The following NFIX variants were observed in gnomAD, a reference collection of about 807,000 sequenced individuals.
NFIX encodes the protein nuclear factor I X, also known as nuclear factor 1 X-type.
In NFIX, 2 loss-of-function variants were observed where a neutral mutation model predicts 53.3. The observed-to-expected ratio is 0.04, with a 90% CI of 0.02 to 0.12. The LOEUF (loss-of-function observed/expected upper bound fraction) is 0.12, where lower values mean the gene tolerates loss of function less well. NFIX is among the 10% of genes least tolerant of loss of function. The pLI is 1.00. For missense variants in NFIX, 310 were observed against 674.5 expected, an observed-to-expected ratio of 0.46 and a Z score of 5.99; for synonymous variants, 244 against 289.0, an observed-to-expected ratio of 0.84 and a Z score of 1.58.
rs147857923 is a variant in NFIX at position 12,998,789 on chromosome 19, A to G, written c.27+2925A>G. Among the ~76,000 whole-genome samples the G allele has an allele frequency of 6.6e-6, 1 of 152,184 alleles. No homozygotes were observed. ...ACGACTTGTGTTCACACTGTCACACACACCCATTAACACACACGCACCTCT... is the reference window on the plus strand; with the variant it reads ...ACGACTTGTGTTCACACTGTCACACGCACCCATTAACACACACGCACCTCT... On this transcript the variant is annotated intron_variant, in intron 1 of 10. Transcript: ENST00000592199. The surrounding 1 kb of genome is among the most constrained non-coding windows in gnomAD (Gnocchi z 4.4).
In NFIX at chr19:13,025,625, C is replaced by CT; in HGVS notation, c.559+74dup. On this transcript the variant is annotated intron_variant, in intron 2 of 10. Transcript: ENST00000592199. The surrounding 1 kb of genome is among the most constrained non-coding windows in gnomAD (Gnocchi z 7.5). The stretch of plus-strand genomic sequence containing the variant: ...GGCATTTGTTCTGTTTATTGTTCCT[C>CT]TAATTTCCAAGCGATAACTCGCCAT... The CT allele has an allele frequency of 6.5e-7, 1 of 1,533,676 alleles. No homozygotes were observed. The highest frequency in any genetic ancestry group is 8.8e-7 in the Non-Finnish European group (1 of 1,137,306).
chr19:13,064,908 C>T (rs2016309804), intron 2 of NFIX, among the ~76,000 whole-genome samples: 1 of 152,232 alleles, frequency 6.6e-6, no homozygotes, highest in Admixed American at 6.5e-5. Context: ...AGCTAAGCAC[C>T]TTATTATACA....
chr19:13,023,070 T>TCTCTCTCTC (rs2013036703), intron 1 of NFIX, among the ~76,000 whole-genome samples: 6 of 138,070 alleles, frequency 4.3e-5, no homozygotes, highest in African/African-American at 1.5e-4. Flanking sequence ...TTCTCTCTCT[T>TCTCTCTCTC]TCTCTCTCTC....
chr19:13,086,181 GA>G, intron 8 of NFIX, among the ~76,000 whole-genome samples: 1 of 152,370 alleles, frequency 6.6e-6, no homozygotes, highest in East Asian at 1.9e-4. Context: ...GGGAAGTGCA[GA>G]GGGGCGGTAG....
rs2013422654 is a variant in NFIX, at chr19:13,027,054, C to G, written c.559+1502C>G. 6.6e-6 allele frequency among the ~76,000 whole-genome samples: 1 copy of G among 152,170 alleles called. No individual in the cohort carries two copies. The highest frequency in any genetic ancestry group is 6.5e-5 in the Admixed American group (1 of 15,270). ...TTCAGCACTGCGTCAGGAATGTAAT[C>G]TAGACTAGAGTGAGCCCTGAGTTTA... On this transcript the variant is annotated intron_variant, in intron 2 of 10. Transcript: ENST00000592199. The surrounding 1 kb of genome is among the most constrained non-coding windows in gnomAD (Gnocchi z 4.3).
At chr19:12,997,285 G>T (rs539819651) in intron 1 of NFIX, among the ~76,000 whole-genome samples, 2 of 152,346 alleles carry the variant, frequency 1.3e-5, no homozygotes, top group African/African-American at 4.8e-5. Flanking sequence ...GTATGCAAGT[G>T]TGAATCAATC....
At position 12,996,410 on chromosome 19, in the gene NFIX, G is replaced by T. The variant is rs2145118940; in HGVS notation, c.27+546G>T. 6.6e-6 allele frequency among the ~76,000 whole-genome samples: 1 copy of T among 152,166 alleles called. No homozygotes were observed. The highest frequency in any genetic ancestry group is 2.0e-4 in the East Asian group (1 of 5,120). ...GCGGCGGCCCTTGCGTGCGGCCGGG[G>T]TGCCTGGGGTGGGCCGAGCGGCCCG... On this transcript the variant is annotated intron_variant, in intron 1 of 10. Transcript: ENST00000592199. The surrounding 1 kb of genome is among the most constrained non-coding windows in gnomAD (Gnocchi z 5.2).
At chr19:13,039,783 G>A (rs908455117) in intron 2 of NFIX, among the ~76,000 whole-genome samples, 8 of 152,112 alleles carry the variant, frequency 5.3e-5, no homozygotes, top group Admixed American at 3.3e-4. Flanking sequence ...TGTTTTATCC[G>A]CCTTTGCATC....
intron 2 of NFIX, among the ~76,000 whole-genome samples, chr19:13,030,478 T>A (rs1035184572): frequency 1.3e-5 from 2 of 152,166 alleles, no homozygotes. Flanking sequence ...TCTTAAGGGA[T>A]GACCCAGGTG....
Position 13,049,833 on chromosome 19 carries a change from C to T in NFIX, c.560-23214C>T, listed in dbSNP as rs1387819441. Among the ~76,000 whole-genome samples, 1 of 152,138 alleles carries T rather than the reference C, an allele frequency of 6.6e-6. No individual in the cohort carries two copies. Among genetic ancestry groups the T allele is most frequent in the Non-Finnish European group, 1.5e-5 (1 of 68,022 alleles). On this transcript the variant is annotated intron_variant, in intron 2 of 10. Transcript: ENST00000592199. This position sits in a 1 kb window ranked among gnomAD's most constrained non-coding sequence, Gnocchi z 4.5. ...GGTCTCGAACTCCTGATCTCGTGAT[C>T]CGCTCACCTCGGCCTCCCAAAGTGT...
rs2012241267 is a variant in NFIX at position 13,009,992 on chromosome 19, C to T, written c.27+14128C>T. Among the ~76,000 whole-genome samples the T allele has an allele frequency of 6.6e-6, 1 of 152,202 alleles. No homozygotes were observed. Among genetic ancestry groups the T allele is most frequent in the Non-Finnish European group, 1.5e-5 (1 of 68,014 alleles). On this transcript the variant is annotated intron_variant, in intron 1 of 10. Transcript: ENST00000592199. The surrounding 1 kb of genome is among the most constrained non-coding windows in gnomAD (Gnocchi z 4.7). The stretch of plus-strand genomic sequence containing the variant: ...GCCCACCTTGGGCCCGGGGGGGCCT[C>T]CAGGAGCCCCCTGGCCCAGGCAGGC...
rs2018097430 is a variant in NFIX at position 13,090,899 on chromosome 19, C to T, written c.1494+509C>T. ...AGGGCAGGCCGCCACCCTAGAGGCC[C>T]CTCACCCAAGTCTCCAGGAGTCCTG... is the stretch of plus-strand genomic sequence containing the variant. On this transcript the variant is annotated intron_variant, in intron 10 of 10. Coordinates refer to ENST00000592199, the MANE Select transcript of NFIX (RefSeq NM_001365902.3). This position sits in a 1 kb window ranked among gnomAD's most constrained non-coding sequence, Gnocchi z 6.6. Among the ~76,000 whole-genome samples the T allele has an allele frequency of 6.6e-6, 1 of 152,192 alleles. No homozygotes were observed. The highest frequency in any genetic ancestry group is 6.5e-5 in the Admixed American group (1 of 15,286).
At chr19:13,071,412 C>G (rs2016769918) in intron 2 of NFIX, 1 of 152,160 alleles carries the variant, frequency 6.6e-6, no homozygotes, top group South Asian at 2.1e-4. Context: ...GCTGCCCTCT[C>G]AGGGAACATG....
chr19:13,083,120 A>C (rs1316609209), intron 8 of NFIX, among the ~76,000 whole-genome samples: 1 of 152,096 alleles, frequency 6.6e-6, no homozygotes, highest in African/African-American at 2.4e-5. Context: ...GCTCCTTAGC[A>C]TACTGGTAGC....
intron 1 of NFIX, among the ~76,000 whole-genome samples, chr19:13,016,103 A>G (rs564531985): frequency 1.3e-5 from 2 of 152,334 alleles, no homozygotes; most frequent in East Asian, 1.9e-4. Context: ...CAAGCGGCCT[A>G]ACTTACAGTG....
chr19:13,003,103 G>T (rs915390465), intron 1 of NFIX, among the ~76,000 whole-genome samples: 9 of 144,450 alleles, frequency 6.2e-5, no homozygotes, highest in Admixed American at 2.1e-4. Flanking sequence ...TGGGGAGTTG[G>T]GGGGGGGTTT....
At chr19:13,024,076 A>G (rs761072931) in intron 1 of NFIX, 1 of 1,198,726 alleles carries the variant, frequency 8.3e-7, no homozygotes, top group African/African-American at 1.5e-5. Context: ...TGTAAACAGA[A>G]ATCAATTATT....
rs1015053806 is a variant in NFIX, at chr19:13,011,198, CCA to C, written c.28-13822_28-13821del. Among the ~76,000 whole-genome samples, 49 of 152,314 alleles carry C rather than the reference CCA, an allele frequency of 3.2e-4. 1 individual carries two copies. The Middle Eastern group carries it at 0.024, about 75-fold the overall frequency. On this transcript the variant is annotated intron_variant, in intron 1 of 10. Transcript: ENST00000592199. This position sits in a 1 kb window ranked among gnomAD's most constrained non-coding sequence, Gnocchi z 6.5. ...TTAAAGACCGGGGACCCCCCCTCCC[CCA>C]AGGGCCGGACTGCAGCTCCGAATCC...
At chr19:13,076,451 C>T (rs926421986) in intron 6 of NFIX, among the ~76,000 whole-genome samples, 8 of 152,158 alleles carry the variant, frequency 5.3e-5, no homozygotes, top group Non-Finnish European at 1.0e-4. Flanking sequence ...GCATGTAACA[C>T]GTGCGTGTGT....
Sources: allele counts gnomAD v4.1 joint callset (sites outside exome capture counted in the v4.1 genomes callset), GRCh38; gene constraint gnomAD v4.1.1; non-coding constraint Gnocchi (gnomAD v3.1); transcripts MANE v1.5; gene names NCBI Gene and HGNC (gene_info 2026-07-23, HGNC 2026-07-21).